The following SLC12A6 variants were observed in gnomAD, a reference collection of about 807,000 sequenced individuals.
The protein encoded by SLC12A6 is K-Cl cotransporter 3.
A neutral mutation model predicts 135.3 loss-of-function variants in SLC12A6; 66 were observed. That is an observed-to-expected ratio of 0.49 (90% CI 0.40 to 0.60). The LOEUF is 0.60. Among genes scored for constraint, SLC12A6 ranks in the 20% least tolerant of loss-of-function variants. The probability of loss-of-function intolerance (pLI) is 0.00; values close to 1 mark genes in which losing one functional copy is unlikely to be tolerated. For missense variants in SLC12A6, 1,058 were observed against 1,452.3 expected (o/e 0.73, Z 4.41); for synonymous variants, 513 against 508.8 (o/e 1.01, Z -0.11).
In SLC12A6 at chr15:34,240,841, T is replaced by A; in HGVS notation, c.2268-12A>T. The A allele has an allele frequency of 6.2e-7, 1 of 1,607,430 alleles. No homozygotes were observed. Among genetic ancestry groups the A allele is most frequent in the Non-Finnish European group, 8.5e-7 (1 of 1,176,592 alleles). On this transcript the variant is annotated splice_polypyrimidine_tract_variant and intron_variant, in intron 18 of 25. Transcript: ENST00000354181. Reference sequence around the variant, plus strand: ...CAAGCAACTGAGGCCTGTGAAGAGGTTGGTGGGGGTTGGAGGGGAGGAGAA... The same window carrying A: ...CAAGCAACTGAGGCCTGTGAAGAGGATGGTGGGGGTTGGAGGGGAGGAGAA...
intron 2 of SLC12A6, among the ~76,000 whole-genome samples, chr15:34,277,409 C>T (rs1353758261): frequency 2.0e-5 from 3 of 152,018 alleles, no homozygotes; most frequent in Non-Finnish European, 2.9e-5. Flanking sequence ...GCACTCCAGC[C>T]GGGGTGACAG....
rs1199194240 is a variant in SLC12A6, at chr15:34,238,508, G to T, written c.2633-107C>A. ...CTTTTCACACTTCTTTGAGCAAGGG[G>T]TCCTATTTACTTAGTAGGTTATTTC... On this transcript the variant is annotated intron_variant, in intron 20 of 25. Transcript: ENST00000354181. 8 of 839,916 alleles carry T rather than the reference G, an allele frequency of 9.5e-6. No individual in the cohort carries two copies. In the African/African-American group the frequency reaches 1.2e-4, roughly 12 times the overall value. The allele number at this position is 839,916 out of a possible 1,614,324, so 52.0% of individuals were successfully genotyped here.
intron 2 of SLC12A6, among the ~76,000 whole-genome samples, chr15:34,306,205 C>T (rs915834296): frequency 2.0e-5 from 3 of 152,176 alleles, no homozygotes; most frequent in Non-Finnish European, 2.9e-5. Context: ...GGACCACAAG[C>T]GGTAGCAGTC....
chr15:34,290,785 T>C (rs1294984668), intron 2 of SLC12A6, among the ~76,000 whole-genome samples: 1 of 152,232 alleles, frequency 6.6e-6, no homozygotes, highest in Non-Finnish European at 1.5e-5. Flanking sequence ...AGACCAGGAT[T>C]GCAAGCCCTG....
chr15:34,287,563 A>G (rs1357339198), intron 2 of SLC12A6, among the ~76,000 whole-genome samples: 2 of 152,228 alleles, frequency 1.3e-5, no homozygotes, highest in African/African-American at 4.8e-5. Flanking sequence ...ACTCTATTCC[A>G]TAACGATTGA....
intron 16 of SLC12A6, among the ~76,000 whole-genome samples, chr15:34,242,801 C>T (rs151038252): frequency 0.017 from 2,546 of 152,178 alleles, 34 homozygotes; most frequent in Non-Finnish European, 0.026. Context: ...GAGGCTGAGG[C>T]GGATGGATCA....
At chr15:34,302,399 AG>A (rs1433475852) in intron 2 of SLC12A6, among the ~76,000 whole-genome samples, 1 of 152,234 alleles carries the variant, frequency 6.6e-6, no homozygotes, top group Admixed American at 6.5e-5. Flanking sequence ...TTATGTATAA[AG>A]AAGATTATGG....
intron 24 of SLC12A6, 151 bp from the exon 25 acceptor site, chr15:34,235,465 G>T (rs994109290): frequency 1.2e-4 from 77 of 633,322 alleles, no homozygotes; most frequent in Non-Finnish European, 1.9e-4. Context: ...AGGGAGTTTC[G>T]CTCATGTCAC....
At position 34,304,134 on chromosome 15, in the gene SLC12A6, C is replaced by T. The variant is rs527899277; in HGVS notation, c.272-28745G>A. ...TCTAACTTCTGCCTCTATAAATTTA[C>T]CTATTCTGGACATTTCCTACGAATG... On this transcript the variant is annotated intron_variant, in intron 2 of 25. Transcript: ENST00000354181. 7.2e-5 allele frequency among the ~76,000 whole-genome samples: 11 copies of T among 152,288 alleles called. 1 individual carries two copies. The East Asian group carries it at 1.9e-3, about 27-fold the overall frequency.
chr15:34,308,653 C>CAAAAAAAAA (rs1566858702), intron 2 of SLC12A6, among the ~76,000 whole-genome samples: 247 of 87,660 alleles, frequency 2.8e-3, no homozygotes, highest in African/African-American at 0.01. Flanking sequence ...AAAAAAAAAA[C>CAAAAAAAAA]AAACCAGATT....
chr15:34,235,160 C>A (rs748818909), intron 25 of SLC12A6, 21 bp downstream of exon 25: 2 of 1,611,068 alleles, frequency 1.2e-6, no homozygotes, highest in Non-Finnish European at 1.7e-6. Context: ...CTACTGGAAG[C>A]CCCACTCTTG....
At chr15:34,326,770 T>C (rs1366300309) in intron 2 of SLC12A6, among the ~76,000 whole-genome samples, 1 of 150,340 alleles carries the variant, frequency 6.7e-6, no homozygotes, top group Non-Finnish European at 1.5e-5. Flanking sequence ...TGGCTCACTA[T>C]AGCCTTGACC....
At chr15:34,280,998 T>C in intron 2 of SLC12A6, among the ~76,000 whole-genome samples, 1 of 152,022 alleles carries the variant, frequency 6.6e-6, no homozygotes, top group East Asian at 1.9e-4. Context: ...ATCTCATAGA[T>C]GTAAAAATTA....
Position 34,229,802 on chromosome 15 carries a change from G to A in SLC12A6, c.*4079C>T, listed in dbSNP as rs1890796591. The stretch of plus-strand genomic sequence containing the variant: ...CTGCTTTTGTGAACATGAGAAAGCA[G>A]CGCCTGGTCCCTATGTATTTGGGTC... On this transcript the variant is annotated 3_prime_UTR_variant, in exon 26 of 26. Transcript: ENST00000354181. The A allele has an allele frequency of 6.2e-7, 1 of 1,612,548 alleles. No individual in the cohort carries two copies. The highest frequency in any genetic ancestry group is 1.1e-5 in the South Asian group (1 of 90,972).
chr15:34,271,010 A>T (rs1055583974), intron 3 of SLC12A6, among the ~76,000 whole-genome samples: 1 of 152,028 alleles, frequency 6.6e-6, no homozygotes, highest in Non-Finnish European at 1.5e-5. Context: ...AGATCTCATG[A>T]GACTCACTCA....
chr15:34,311,393 T>C (rs562211850), intron 2 of SLC12A6, among the ~76,000 whole-genome samples: 2 of 152,286 alleles, frequency 1.3e-5, no homozygotes, highest in South Asian at 4.1e-4. Context: ...AATGAATGAA[T>C]GGAAATTCAT....
intron 2 of SLC12A6, among the ~76,000 whole-genome samples, chr15:34,279,595 G>A (rs1253936865): frequency 6.6e-6 from 1 of 152,126 alleles, no homozygotes; most frequent in South Asian, 2.1e-4. Flanking sequence ...TATGTCATTG[G>A]TGAGGGCACA....
chr15:34,245,579 TA>T, intron 14 of SLC12A6, 113 bp downstream of exon 14: 1 of 1,043,686 alleles, frequency 9.6e-7, no homozygotes, highest in Non-Finnish European at 1.5e-6. Flanking sequence ...GTTCTTGTAC[TA>T]AAAACCCACG....
chr15:34,315,025 A>C (rs1304549961), intron 2 of SLC12A6, among the ~76,000 whole-genome samples: 1 of 152,196 alleles, frequency 6.6e-6, no homozygotes, highest in Admixed American at 6.5e-5. Context: ...TGAATAGATA[A>C]GGAGTTGCTT....
Sources: allele counts gnomAD v4.1 joint callset (sites outside exome capture counted in the v4.1 genomes callset), GRCh38; gene constraint gnomAD v4.1.1; transcripts MANE v1.5; gene names NCBI Gene and HGNC (gene_info 2026-07-23, HGNC 2026-07-21).